The following RELN variants were observed in gnomAD, a reference collection of about 807,000 sequenced individuals.
The protein encoded by RELN is reelin.
RELN carries 108 observed loss-of-function variants against 427.6 expected under a neutral mutation model. The observed-to-expected ratio is 0.25, with a 90% CI of 0.22 to 0.30. The LOEUF (loss-of-function observed/expected upper bound fraction) is 0.30, where lower values mean the gene tolerates loss of function less well. Ranked by LOEUF, RELN falls within the 10% of genes least tolerant of loss-of-function variation. The pLI is 1.00. For missense variants in RELN, 3,715 were observed against 4,302.8 expected, an observed-to-expected ratio of 0.86 and a Z score of 3.82; for synonymous variants, 1,524 against 1,513.4, an observed-to-expected ratio of 1.01 and a Z score of -0.16.
intron 3 of RELN, among the ~76,000 whole-genome samples, chr7:103,829,700 CA>C (rs1257145916): frequency 6.6e-6 from 1 of 151,902 alleles, no homozygotes; most frequent in Admixed American, 6.6e-5. Context: ...ACAGGCAGCC[CA>C]AATGACTATG....
intron 17 of RELN, among the ~76,000 whole-genome samples, chr7:103,637,588 A>G (rs1832609788): frequency 6.6e-6 from 1 of 152,212 alleles, no homozygotes; most frequent in Non-Finnish European, 1.5e-5. Flanking sequence ...GGAGCCTAAA[A>G]TGCTAAGAAC....
intron 10 of RELN, among the ~76,000 whole-genome samples, chr7:103,696,911 A>G (rs1833987895): frequency 6.6e-6 from 1 of 152,176 alleles, no homozygotes; most frequent in Admixed American, 6.6e-5. Flanking sequence ...AAGATCTTCA[A>G]GGTCTTGTCA....
Position 103,833,802 on chromosome 7 carries a change from A to G in RELN, c.338-130T>C, listed in dbSNP as rs1435244614. 1.0e-5 allele frequency: 9 copies of G among 884,362 alleles called. No individual in the cohort carries two copies. The East Asian group carries it at 2.4e-4, about 23-fold the overall frequency. The allele number at this position is 884,362 out of a possible 1,614,324, so 54.8% of individuals were successfully genotyped here. Reference sequence around the variant, plus strand: ...ATGCTATTTGGCTTCCCAATAAGTTATGTAATTTTTCACTTTTTATTGCTA... The same window carrying G: ...ATGCTATTTGGCTTCCCAATAAGTTGTGTAATTTTTCACTTTTTATTGCTA... On this transcript the variant is annotated intron_variant, in intron 2 of 64. Coordinates refer to ENST00000428762, the MANE Select transcript of RELN (RefSeq NM_005045.4).
rs888515238 is a variant in RELN, at chr7:103,472,593, G to C, written c.*219C>G. 5.6e-6 allele frequency: 3 copies of C among 534,576 alleles called. No homozygotes were observed. The African/African-American group carries it at 5.7e-5, about 10-fold the overall frequency. 33.1% of individuals were successfully genotyped at this position (534,576 alleles called of 1,614,324 possible). A position where few individuals can be genotyped will look rare whatever the true frequency, so the allele number is the denominator to read the frequency against. On this transcript the variant is annotated 3_prime_UTR_variant, in exon 65 of 65. Coordinates refer to ENST00000428762, the MANE Select transcript of RELN (RefSeq NM_005045.4). Reference sequence around the variant, plus strand: ...TATTACAACAGATCACAACTTTCACGGACACATCAACATGAAGACATTTAC... The same window carrying C: ...TATTACAACAGATCACAACTTTCACCGACACATCAACATGAAGACATTTAC...
chr7:103,553,977 G>C, intron 38 of RELN, 146 bp from the exon 39 acceptor site: 2 of 716,602 alleles, frequency 2.8e-6, no homozygotes, highest in Non-Finnish European at 4.9e-6. Flanking sequence ...TTTGAGCCCA[G>C]GAGTTCAAGA....
At chr7:103,792,045 TA>T (rs1380315599) in intron 3 of RELN, among the ~76,000 whole-genome samples, 5 of 151,974 alleles carry the variant, frequency 3.3e-5, no homozygotes, top group African/African-American at 7.2e-5. Context: ...CAAGATAGAA[TA>T]AAAAAAGATA....
chr7:103,712,030 G>A (rs935741808), intron 8 of RELN, among the ~76,000 whole-genome samples: 3 of 152,052 alleles, frequency 2.0e-5, no homozygotes, highest in Non-Finnish European at 4.4e-5. Context: ...TAAACCTCAG[G>A]GACTCAAGCC....
intron 2 of RELN, among the ~76,000 whole-genome samples, chr7:103,842,034 A>G (rs1345196188): frequency 6.6e-6 from 1 of 152,176 alleles, no homozygotes; most frequent in Non-Finnish European, 1.5e-5. Flanking sequence ...ATAACCCCAT[A>G]TATAAAAATG....
intron 1 of RELN, among the ~76,000 whole-genome samples, chr7:103,949,021 C>CT (rs1796276647): frequency 2.8e-5 from 2 of 71,734 alleles, no homozygotes; most frequent in African/African-American, 1.8e-4. Flanking sequence ...GACATTGTCT[C>CT]CAAAAAAAAA....
At chr7:103,684,642 C>A (rs534190578) in intron 10 of RELN, among the ~76,000 whole-genome samples, 1 of 152,256 alleles carries the variant, frequency 6.6e-6, no homozygotes, top group East Asian at 1.9e-4. Context: ...TATTTAATGG[C>A]TCCATGTTTT....
rs1554402135 is a variant in RELN at position 103,682,216 on chromosome 7, C to T, written c.1189G>A (p.Glu397Lys). ...DGNSIYFHGN[E>K]GSEFNFATTR... is the part of the protein sequence containing the mutation. ...GTGGCAAAATTGAACTCGCTGCCTT[C>T]ATTTCCATGGAAATAAATGGAGTTC... Residue 397 changes from glutamate (E) to lysine (K), a missense_variant, in exon 11 of 65, where the codon GAA (glutamate) becomes AAA (lysine). Physicochemically the swap from Glu to Lys is moderately conservative, Grantham distance 56 (BLOSUM62 1). Around this residue, in one of 4 missense-constraint regions of RELN, gnomAD observed 2,208 missense variants for 2,361.7 expected, o/e 0.93. Transcript: ENST00000428762. 1.9e-6 allele frequency: 3 copies of T among 1,613,910 alleles called. No homozygotes were observed. The highest frequency in any genetic ancestry group is 2.5e-6 in the Non-Finnish European group (3 of 1,179,926).
intron 1 of RELN, among the ~76,000 whole-genome samples, chr7:103,975,373 C>T (rs995259939): frequency 1.1e-4 from 17 of 152,084 alleles, no homozygotes; most frequent in Admixed American, 6.5e-5. Context: ...GCAAAACCTG[C>T]TTTGATGAGG....
intron 27 of RELN, among the ~76,000 whole-genome samples, chr7:103,591,601 T>C (rs1346048756): frequency 6.6e-6 from 1 of 152,174 alleles, no homozygotes; most frequent in Non-Finnish European, 1.5e-5. Flanking sequence ...CTAACACAAA[T>C]TCCTTTTACT....
chr7:103,589,576 A>C lies in RELN; in HGVS notation c.4145+20T>G, dbSNP rs1258615041. On this transcript the variant is annotated intron_variant, in intron 28 of 64. Coordinates refer to ENST00000428762, the MANE Select transcript of RELN (RefSeq NM_005045.4). ...GTGTCTTTCTTAATGGCCCAAACCC[A>C]TTAAGAATGATTACTTTACCTGGAT... is the stretch of plus-strand genomic sequence containing the variant. The C allele has an allele frequency of 1.1e-5, 17 of 1,537,304 alleles. No individual in the cohort carries two copies. The highest frequency in any genetic ancestry group is 1.2e-5 in the Non-Finnish European group (13 of 1,110,010).
intron 52 of RELN, among the ~76,000 whole-genome samples, chr7:103,501,326 G>A (rs1285388647): frequency 6.6e-6 from 1 of 152,182 alleles, no homozygotes; most frequent in Non-Finnish European, 1.5e-5. Flanking sequence ...CCTTTGACAA[G>A]AGCCTTGTCA....
intron 62 of RELN, 89 bp from the exon 63 acceptor site, chr7:103,483,060 G>A: frequency 2.0e-6 from 2 of 992,458 alleles, no homozygotes; most frequent in South Asian, 1.3e-5. Context: ...TATTATAATA[G>A]GCTAATCTAA....
intron 2 of RELN, among the ~76,000 whole-genome samples, chr7:103,847,726 T>C (rs886450112): frequency 1.3e-5 from 2 of 152,190 alleles, no homozygotes; most frequent in Non-Finnish European, 2.9e-5. Flanking sequence ...AAAGCCTTGT[T>C]GAGGCTCTTT....
intron 6 of RELN, among the ~76,000 whole-genome samples, chr7:103,744,617 T>A (rs1368603360): frequency 6.6e-6 from 1 of 152,154 alleles, no homozygotes; most frequent in Non-Finnish European, 1.5e-5. Flanking sequence ...CAAACTACCA[T>A]CAGAGAATAC....
chr7:103,773,538 C>T (rs922265661), intron 4 of RELN, among the ~76,000 whole-genome samples: 1 of 151,250 alleles, frequency 6.6e-6, no homozygotes, highest in Non-Finnish European at 1.5e-5. Flanking sequence ...GGTGCAATTT[C>T]GGCTCACTGC....
Sources: gnomAD v4.1 joint callset for allele counts (sites outside exome capture counted in the v4.1 genomes callset) on GRCh38, gnomAD v4.1.1 for gene constraint, gnomAD v4.1.1 regional missense constraint, MANE v1.5 for transcripts, NCBI Gene and HGNC (gene_info 2026-07-23, HGNC 2026-07-21) for gene names.